Variants in MOB3B observed in about 807,000 individuals in gnomAD.
MOB3B encodes the protein MOB kinase activator-like 2B.
MOB3B carries 7 observed loss-of-function variants against 18.7 expected under a neutral mutation model. That is an observed-to-expected ratio of 0.37 (90% CI 0.21 to 0.70). The LOEUF is 0.70. Ranked by LOEUF, MOB3B falls within the 30% of genes least tolerant of loss-of-function variation. The pLI, the probability that MOB3B is intolerant of heterozygous loss-of-function variation, is 0.52. For missense variants in MOB3B, 253 were observed against 281.3 expected, an observed-to-expected ratio of 0.90 and a Z score of 0.72; for synonymous variants, 111 against 99.9, an observed-to-expected ratio of 1.11 and a Z score of -0.66.
chr9:27,351,993 G>T (rs2131348918), intron 3 of MOB3B, among the ~76,000 whole-genome samples: 1 of 152,300 alleles, frequency 6.6e-6, no homozygotes, highest in South Asian at 2.1e-4. Context: ...ACACACTGGG[G>T]GTGGGACATG....
At chr9:27,451,869 G>A (rs1822789972) in intron 2 of MOB3B, among the ~76,000 whole-genome samples, 1 of 152,188 alleles carries the variant, frequency 6.6e-6, no homozygotes, top group Non-Finnish European at 1.5e-5. Context: ...AAAAGAGGAG[G>A]AAATGGAGTG....
intron 1 of MOB3B, among the ~76,000 whole-genome samples, chr9:27,460,338 A>G (rs1328541504): frequency 6.6e-6 from 1 of 152,200 alleles, no homozygotes; most frequent in African/African-American, 2.4e-5. Context: ...TGCCTAATAG[A>G]TCAATTATAA....
intron 1 of MOB3B, among the ~76,000 whole-genome samples, chr9:27,505,728 T>G (rs1413025258): frequency 6.6e-6 from 1 of 152,170 alleles, no homozygotes; most frequent in African/African-American, 2.4e-5. Flanking sequence ...AGTGGTTTCT[T>G]CTCTTGCACC....
At chr9:27,420,551 A>C (rs1236389631) in intron 2 of MOB3B, among the ~76,000 whole-genome samples, 10 of 5,222 alleles carry the variant, frequency 1.9e-3, no homozygotes, top group South Asian at 7.4e-3. Flanking sequence ...TATATTCCAT[A>C]TATATATATA....
intron 2 of MOB3B, among the ~76,000 whole-genome samples, chr9:27,372,934 T>A (rs1044227980): frequency 8.5e-5 from 13 of 152,214 alleles, no homozygotes; most frequent in African/African-American, 2.9e-4. Flanking sequence ...TACTGGAAAC[T>A]GGGTGAGGGA....
At chr9:27,443,984 T>G (rs1221643324) in intron 2 of MOB3B, among the ~76,000 whole-genome samples, 1 of 152,044 alleles carries the variant, frequency 6.6e-6, no homozygotes, top group African/African-American at 2.4e-5. Flanking sequence ...CCACAGCATG[T>G]TCTCTCTGAG....
In MOB3B at chr9:27,455,236, C is replaced by T. The variant is rs752692266; in HGVS notation, c.315G>A (p.Lys105=). The change falls in exon 2 of 4, where the codon AAG becomes AAA. Residue 105 remains lysine, a synonymous_variant. Coordinates refer to ENST00000262244, the MANE Select transcript of MOB3B (RefSeq NM_024761.5). ...CTGGCAGCGCTGTTGGCTTCTTATA[C>T]TTGAGATCATCCTGCCACCGATACT... ...KYEYRWQDDL[K]YKKPTALPAP... 4.3e-6 allele frequency: 7 copies of T among 1,614,116 alleles called. No individual in the cohort carries two copies. The highest frequency in any genetic ancestry group is 5.1e-6 in the Non-Finnish European group (6 of 1,180,012).
intron 2 of MOB3B, among the ~76,000 whole-genome samples, chr9:27,407,059 G>A (rs1466792231): frequency 6.6e-6 from 1 of 152,018 alleles, no homozygotes; most frequent in Non-Finnish European, 1.5e-5. Flanking sequence ...GGTTGGTCTT[G>A]AACTCCTGAC....
At chr9:27,467,842 G>C (rs1271952683) in intron 1 of MOB3B, among the ~76,000 whole-genome samples, 4 of 152,218 alleles carry the variant, frequency 2.6e-5, no homozygotes, top group Non-Finnish European at 5.9e-5. Context: ...CCAGAGTTTA[G>C]AGTTAACAGG....
At chr9:27,524,850 T>A in intron 1 of MOB3B, 2 of 1,614,004 alleles carry the variant, frequency 1.2e-6, no homozygotes, top group Non-Finnish European at 1.7e-6. Flanking sequence ...GATAGACAAT[T>A]TCCTGAAAGA....
chr9:27,438,534 T>C (rs940454440), intron 2 of MOB3B, among the ~76,000 whole-genome samples: 3 of 152,164 alleles, frequency 2.0e-5, no homozygotes, highest in African/African-American at 7.2e-5. Context: ...TTGGGTAATT[T>C]TAACAGTTCA....
intron 1 of MOB3B, among the ~76,000 whole-genome samples, chr9:27,458,032 T>A (rs187634933): frequency 6.6e-6 from 1 of 152,182 alleles, no homozygotes; most frequent in Non-Finnish European, 1.5e-5. Context: ...GAGGACTTGT[T>A]TTTTAAAAAA....
At chr9:27,350,399 T>TC (rs1364051578) in intron 3 of MOB3B, among the ~76,000 whole-genome samples, 1 of 152,288 alleles carries the variant, frequency 6.6e-6, no homozygotes, top group East Asian at 1.9e-4. Flanking sequence ...CTAGCAATTT[T>TC]CCCATGAGAG....
At chr9:27,437,027 T>C (rs4879489) in intron 2 of MOB3B, among the ~76,000 whole-genome samples, 6,615 of 149,858 alleles carry the variant, frequency 0.044, 429 homozygotes, top group African/African-American at 0.14. Flanking sequence ...GGGGAGTGTG[T>C]TTTGAGAAGC....
intron 3 of MOB3B, among the ~76,000 whole-genome samples, chr9:27,346,725 T>C (rs1407960911): frequency 1.3e-5 from 2 of 152,246 alleles, no homozygotes; most frequent in East Asian, 3.8e-4. Context: ...CCGGGTGCGG[T>C]GGCTCATGCC....
At chr9:27,479,868 C>A (rs1242345796) in intron 1 of MOB3B, among the ~76,000 whole-genome samples, 2 of 152,098 alleles carry the variant, frequency 1.3e-5, no homozygotes, top group African/African-American at 4.8e-5. Flanking sequence ...CCAGCCTGGG[C>A]AACATAGTGA....
At chr9:27,440,861 G>T (rs924057595) in intron 2 of MOB3B, among the ~76,000 whole-genome samples, 4 of 152,058 alleles carry the variant, frequency 2.6e-5, no homozygotes, top group Non-Finnish European at 5.9e-5. Flanking sequence ...ATAAAGCAGC[G>T]GTCCTCAACC....
chr9:27,422,712 A>G, intron 2 of MOB3B, among the ~76,000 whole-genome samples: 1 of 151,638 alleles, frequency 6.6e-6, no homozygotes, highest in South Asian at 2.1e-4. Flanking sequence ...AGAGACAATC[A>G]TAGGTCTTGT....
chr9:27,420,091 A>G (rs1822216840), intron 2 of MOB3B, among the ~76,000 whole-genome samples: 1 of 152,226 alleles, frequency 6.6e-6, no homozygotes, highest in Non-Finnish European at 1.5e-5. Flanking sequence ...AATGCAAATC[A>G]AAACCACAAT....
Sources: gnomAD v4.1 joint callset for allele counts (sites outside exome capture counted in the v4.1 genomes callset) on GRCh38, gnomAD v4.1.1 for gene constraint, MANE v1.5 for transcripts, NCBI Gene and HGNC (gene_info 2026-07-23, HGNC 2026-07-21) for gene names.